The following KIAA1328 variants were observed in gnomAD, a reference collection of about 807,000 sequenced individuals.
KIAA1328 encodes KIAA1328.
KIAA1328 carries 52 observed loss-of-function variants against 68.1 expected under a neutral mutation model. The observed-to-expected ratio is 0.76, with a 90% CI of 0.61 to 0.96. KIAA1328 has a LOEUF of 0.96. Among genes scored for constraint, KIAA1328 ranks in the 40% least tolerant of loss-of-function variants. KIAA1328 has a pLI of 0.00. For missense variants in KIAA1328, 641 were observed against 677.6 expected, an observed-to-expected ratio of 0.95 and a Z score of 0.60; for synonymous variants, 232 against 239.4, an observed-to-expected ratio of 0.97 and a Z score of 0.28.
intron 6 of KIAA1328, among the ~76,000 whole-genome samples, chr18:37,045,673 C>G (rs1011351813): frequency 1.4e-4 from 22 of 152,154 alleles, no homozygotes; most frequent in African/African-American, 5.3e-4. Flanking sequence ...TCAGATTCTC[C>G]TGTTTCTTTC....
intron 7 of KIAA1328, among the ~76,000 whole-genome samples, chr18:37,068,923 T>C (rs572853410): frequency 1.2e-4 from 19 of 152,252 alleles, no homozygotes; most frequent in Middle Eastern, 3.4e-3. Context: ...CCACTGCTCC[T>C]GACTCTGCCT....
intron 4 of KIAA1328, among the ~76,000 whole-genome samples, chr18:36,873,960 A>T (rs1458990031): frequency 6.6e-6 from 1 of 152,138 alleles, no homozygotes; most frequent in African/African-American, 2.4e-5. Flanking sequence ...TTCCTGTGTT[A>T]GTTTGCTGAG....
At chr18:36,958,931 T>C (rs1020370529) in intron 5 of KIAA1328, among the ~76,000 whole-genome samples, 33 of 152,174 alleles carry the variant, frequency 2.2e-4, no homozygotes, top group African/African-American at 8.0e-4. Flanking sequence ...TTTTATATTT[T>C]CTGCTAAGAG....
chr18:37,215,108 T>G (rs1031884358), intron 9 of KIAA1328, among the ~76,000 whole-genome samples: 15 of 152,336 alleles, frequency 9.8e-5, no homozygotes, highest in Admixed American at 8.5e-4. Context: ...CTGGACAATT[T>G]GACTTCCTCT....
intron 5 of KIAA1328, among the ~76,000 whole-genome samples, chr18:36,954,187 A>G (rs2051303106): frequency 6.6e-6 from 1 of 151,648 alleles, no homozygotes; most frequent in Non-Finnish European, 1.5e-5. Context: ...TATTTTTAGT[A>G]GAGACGGGGT....
At chr18:36,943,769 T>G (rs1392343654) in intron 5 of KIAA1328, among the ~76,000 whole-genome samples, 2 of 152,210 alleles carry the variant, frequency 1.3e-5, no homozygotes, top group African/African-American at 2.4e-5. Context: ...GGTTTCTCTT[T>G]TATTATATAT....
At chr18:37,111,061 T>C (rs2057916155) in intron 7 of KIAA1328, among the ~76,000 whole-genome samples, 1 of 152,192 alleles carries the variant, frequency 6.6e-6, no homozygotes, top group South Asian at 2.1e-4. Flanking sequence ...AAAGACTTTC[T>C]TTGTTACGTG....
intron 9 of KIAA1328, among the ~76,000 whole-genome samples, chr18:37,186,094 CTTTTTTTTTTTT>C (rs748423012): frequency 1.1e-5 from 1 of 90,434 alleles, no homozygotes; most frequent in East Asian, 3.2e-4. Flanking sequence ...TCAAGGATGT[CTTTTTTTTTTTT>C]TTTTTTTTTT....
intron 7 of KIAA1328, among the ~76,000 whole-genome samples, chr18:37,111,530 TA>T (rs2057929724): frequency 6.6e-6 from 1 of 152,134 alleles, no homozygotes; most frequent in Middle Eastern, 3.2e-3. Context: ...AACCTTCAAA[TA>T]AAAACATTAA....
At chr18:37,137,488 C>T (rs2058671006) in intron 7 of KIAA1328, among the ~76,000 whole-genome samples, 1 of 152,124 alleles carries the variant, frequency 6.6e-6, no homozygotes, top group Admixed American at 6.5e-5. Context: ...TCTACTATAT[C>T]ACTCAACTAA....
chr18:36,841,581 G>A (rs1192703575), intron 3 of KIAA1328, among the ~76,000 whole-genome samples: 1 of 151,870 alleles, frequency 6.6e-6, no homozygotes, highest in Non-Finnish European at 1.5e-5. Flanking sequence ...TTTCCATATC[G>A]GGGTTCGCCG....
intron 6 of KIAA1328, among the ~76,000 whole-genome samples, chr18:37,025,350 A>G (rs952587758): frequency 6.6e-6 from 1 of 152,158 alleles, no homozygotes; most frequent in Non-Finnish European, 1.5e-5. Context: ...CAGGACTTGA[A>G]CTCAGCTCTG....
intron 5 of KIAA1328, among the ~76,000 whole-genome samples, chr18:36,956,140 T>A (rs530425709): frequency 2.0e-5 from 3 of 152,336 alleles, no homozygotes; most frequent in African/African-American, 7.2e-5. Context: ...CTTTACTACA[T>A]GATTATTTTC....
chr18:37,160,572 T>C (rs555881339), intron 8 of KIAA1328, among the ~76,000 whole-genome samples, 191 bp downstream of exon 8: 1 of 152,364 alleles, frequency 6.6e-6, no homozygotes, highest in East Asian at 1.9e-4. Flanking sequence ...CTTAGAATAC[T>C]GGAATGAAAA....
chr18:36,949,318 A>T (rs1481365348), intron 5 of KIAA1328, among the ~76,000 whole-genome samples: 4 of 152,228 alleles, frequency 2.6e-5, no homozygotes, highest in Non-Finnish European at 2.9e-5. Flanking sequence ...CTCAACCTTT[A>T]ATGTCTACAG....
intron 3 of KIAA1328, among the ~76,000 whole-genome samples, chr18:36,839,009 A>G (rs2046771413): frequency 6.6e-6 from 1 of 152,216 alleles, no homozygotes; most frequent in African/African-American, 2.4e-5. Context: ...CTGGGATTAC[A>G]GGTGTGAGCC....
At chr18:36,933,185 A>G (rs908430626) in intron 5 of KIAA1328, among the ~76,000 whole-genome samples, 2 of 152,116 alleles carry the variant, frequency 1.3e-5, no homozygotes, top group Non-Finnish European at 2.9e-5. Context: ...ATATACATAT[A>G]TTAAAATATA....
intron 4 of KIAA1328, among the ~76,000 whole-genome samples, chr18:36,861,174 C>T (rs1217343062): frequency 2.0e-5 from 3 of 152,080 alleles, no homozygotes; most frequent in African/African-American, 7.2e-5. Context: ...ATCTTGCCTT[C>T]CAAGTCTTGA....
At chr18:37,035,677 G>A (rs1480303387) in intron 6 of KIAA1328, among the ~76,000 whole-genome samples, 4 of 152,174 alleles carry the variant, frequency 2.6e-5, no homozygotes, top group African/African-American at 7.2e-5. Flanking sequence ...CCGTATTATA[G>A]TTTTATCCAT....
Sources: gnomAD v4.1 joint callset for allele counts (sites outside exome capture counted in the v4.1 genomes callset) on GRCh38, gnomAD v4.1.1 for gene constraint, MANE v1.5 for transcripts, NCBI Gene and HGNC (gene_info 2026-07-23, HGNC 2026-07-21) for gene names.